SIX4: variants seen among roughly 807,000 people sequenced by gnomAD.
The protein encoded by SIX4 is SIX homeobox 4, also known as homeobox protein SIX4.
In SIX4, 23 loss-of-function variants were observed where a neutral mutation model predicts 51.5. That is an observed-to-expected ratio of 0.45 (90% CI 0.32 to 0.63). The LOEUF (loss-of-function observed/expected upper bound fraction) is 0.63. Among genes scored for constraint, SIX4 ranks in the 30% least tolerant of loss-of-function variants. The pLI, the probability that SIX4 is intolerant of heterozygous loss-of-function variation, is 0.04. For synonymous variants in SIX4, 413 were observed against 417.3 expected (o/e 0.99, Z 0.13); for missense variants, 867 against 984.0 (o/e 0.88, Z 1.59).
intron 2 of SIX4, chr14:60,718,017 AATAAT>A: frequency 4.8e-6 from 1 of 206,556 alleles, no homozygotes; most frequent in Admixed American, 5.8e-5. Flanking sequence ...GCCTAAAAAT[AATAAT>A]AATAATAATA....
Position 60,719,944 on chromosome 14 carries a change from T to C in SIX4, c.1365A>G (p.Arg455=), listed in dbSNP as rs1441462120. The change falls in exon 2 of 3, where the codon AGA becomes AGG. Residue 455 remains arginine, a synonymous_variant. Coordinates refer to ENST00000216513, the MANE Select transcript of SIX4 (RefSeq NM_017420.5). The surrounding 1 kb of genome is among the most constrained non-coding windows in gnomAD (Gnocchi z 4.9). ...PGLIPSTEVK[R]EGIQTVASQD... ...GGGAAGCCACTGTTTGAATGCCTTC[T>C]CTTTTCACCTCAGTGCTGGGTATCA... 6.8e-6 allele frequency: 11 copies of C among 1,614,204 alleles called. No homozygotes were observed. Among genetic ancestry groups the C allele is most frequent in the Non-Finnish European group, 8.5e-6 (10 of 1,180,032 alleles).
rs61741142 is a variant in SIX4 at position 60,713,475 on chromosome 14, C to T, written c.2278G>A (p.Glu760Lys). The T allele has an allele frequency of 3.1e-4, 500 of 1,614,048 alleles. 1 individual carries two copies. In the African/African-American group the frequency reaches 6.1e-3, roughly 20 times the overall value. Residue 760 changes from glutamate (E) to lysine (K), a missense_variant, in exon 3 of 3, where the codon GAA becomes AAA. By Grantham distance (56) the Glu-to-Lys change is moderately conservative. Transcript: ENST00000216513. ...GMVDTVCEDLETDKKELAKLQ... is the reference protein window; with the variant it reads ...GMVDTVCEDLKTDKKELAKLQ... ...TTGGCAAGCTCTTTTTTGTCTGTTT[C>T]CAGGTCTTCACAGACAGTATCAACC... is the stretch of plus-strand genomic sequence containing the variant.
At position 60,724,232 on chromosome 14, in the gene SIX4, GT is replaced by G. The variant is rs965953664; in HGVS notation, c.-159del. 1.3e-6 allele frequency: 2 copies of G among 1,542,540 alleles called. No individual in the cohort carries two copies. Among genetic ancestry groups the G allele is most frequent in the East Asian group, 2.4e-5 (1 of 41,476 alleles). On this transcript the variant is annotated 5_prime_UTR_variant, in exon 1 of 3. It introduces an in-frame stop codon into an upstream open reading frame of the 5' UTR. Coordinates refer to ENST00000216513, the MANE Select transcript of SIX4 (RefSeq NM_017420.5). ...GTTTCGGCTGTATCTGGCCGATCAG[GT>G]TTCCCCCCGGCCACGCAGTCACCAT...
rs748153980 is a variant in SIX4, at chr14:60,720,010, G to C, written c.1299C>G (p.Thr433=). The C allele has an allele frequency of 1.9e-6, 3 of 1,614,224 alleles. No individual in the cohort carries two copies. The South Asian group carries it at 3.3e-5, about 18-fold the overall frequency. The change falls in exon 2 of 3, where the codon ACC becomes ACG. Residue 433 remains threonine (T), a synonymous_variant. Coordinates refer to ENST00000216513, the MANE Select transcript of SIX4 (RefSeq NM_017420.5). The surrounding 1 kb of genome is among the most constrained non-coding windows in gnomAD (Gnocchi z 5.5). ...CAGGGACACTGGGGCTGTAGGACGT[G>C]GTGGTTGCTGAGTTAGCAGAACTCT... ...VLQSSANSAT[T]TSYSPSVPVS...
At position 60,710,898 on chromosome 14, in the gene SIX4, G is replaced by A. The variant is rs1297352810; in HGVS notation, c.*2509C>T. Reference sequence around the variant, plus strand: ...GTGGGAATATGAATGGGTTTCCTAGGTAAGTCTTAAGTTTTGTGCTATCTT... The same window carrying A: ...GTGGGAATATGAATGGGTTTCCTAGATAAGTCTTAAGTTTTGTGCTATCTT... On this transcript the variant is annotated 3_prime_UTR_variant, in exon 3 of 3. Coordinates refer to ENST00000216513, the MANE Select transcript of SIX4 (RefSeq NM_017420.5). 6.6e-6 allele frequency: 1 copy of A among 152,440 alleles called. No homozygotes were observed. The highest frequency in any genetic ancestry group is 1.5e-5 in the Non-Finnish European group (1 of 68,002). 9.4% of individuals were successfully genotyped at this position (152,440 alleles called of 1,614,324 possible). A position where few individuals can be genotyped will look rare whatever the true frequency, so the allele number is the denominator to read the frequency against.
chr14:60,720,999 C>T lies in SIX4; in HGVS notation c.864-554G>A. On this transcript the variant is annotated intron_variant, in intron 1 of 2. Coordinates refer to ENST00000216513, the MANE Select transcript of SIX4 (RefSeq NM_017420.5). The surrounding 1 kb of genome is among the most constrained non-coding windows in gnomAD (Gnocchi z 5.5). ...TCTCACCTGCTCCCAAACTTCTACT[C>T]CACCAGACTGACAACTCTCTCATTC... 7.1e-6 allele frequency: 7 copies of T among 986,182 alleles called. No individual in the cohort carries two copies. Among genetic ancestry groups the T allele is most frequent in the Non-Finnish European group, 8.4e-6 (7 of 830,542 alleles). The allele number at this position is 986,182 out of a possible 1,614,324, so 61.1% of individuals were successfully genotyped here.
At chr14:60,714,235 T>A (rs764879216) in intron 2 of SIX4, 32 bp from the exon 3 acceptor site, 1 of 1,519,284 alleles carries the variant, frequency 6.6e-7, no homozygotes, top group Non-Finnish European at 8.7e-7. Flanking sequence ...TTATCACTGA[T>A]GGAAGTGAGA....
chr14:60,714,056 G>C lies in SIX4; in HGVS notation c.1697C>G (p.Ser566Cys), dbSNP rs1895872930. Residue 566 changes from serine to cysteine, a missense_variant, in exon 3 of 3, where the codon TCT becomes TGT. Ser to Cys is a moderately radical substitution (Grantham distance 112, BLOSUM62 -1). Transcript: ENST00000216513. Reference sequence around the variant, plus strand: ...CCTTTCCAAGCCTTCCTGTTTCACAGATCCTATAGTCTGGCCTGTATTAGG... The same window carrying C: ...CCTTTCCAAGCCTTCCTGTTTCACACATCCTATAGTCTGGCCTGTATTAGG... ...TVPNTGQTIG[S>C]VKQEGLERSL... 1 of 1,614,152 alleles carries C rather than the reference G, an allele frequency of 6.2e-7. No homozygotes were observed. The highest frequency in any genetic ancestry group is 8.5e-7 in the Non-Finnish European group (1 of 1,180,034).
rs1369164982 is a variant in SIX4 at position 60,710,512 on chromosome 14, G to A, written c.*2895C>T. The A allele has an allele frequency of 6.6e-6, 1 of 152,584 alleles. No individual in the cohort carries two copies. The highest frequency in any genetic ancestry group is 1.5e-5 in the Non-Finnish European group (1 of 68,044). 9.5% of individuals were successfully genotyped at this position (152,584 alleles called of 1,614,324 possible). On this transcript the variant is annotated 3_prime_UTR_variant, in exon 3 of 3. Coordinates refer to ENST00000216513, the MANE Select transcript of SIX4 (RefSeq NM_017420.5). Reference sequence around the variant, plus strand: ...ATAGGCTTACACCAAAAATCCCACAGCCAGCAGCATGGGTTGGGTTTTGCA... The same window carrying A: ...ATAGGCTTACACCAAAAATCCCACAACCAGCAGCATGGGTTGGGTTTTGCA...
chr14:60,723,969 C>T lies in SIX4; in HGVS notation c.106G>A (p.Ala36Thr). 1 of 1,511,926 alleles carries T rather than the reference C, an allele frequency of 6.6e-7. No homozygotes were observed. Among genetic ancestry groups the T allele is most frequent in the South Asian group, 1.3e-5 (1 of 74,252 alleles). 93.7% of individuals were successfully genotyped at this position (1,511,926 alleles called of 1,614,324 possible). ...CTCAGCCCTACCGCCGCGCCCCCCG[C>T]CACTTCTCGGTGCGCCTCCTGCCCT... ...SEGQEAHREV[A>T]GGAAVGLSPP... is the part of the protein sequence containing the mutation. Residue 36 changes from alanine to threonine, a missense_variant, in exon 1 of 3, where the codon GCG (alanine) becomes ACG (threonine). Coordinates refer to ENST00000216513, the MANE Select transcript of SIX4 (RefSeq NM_017420.5).
In SIX4 at chr14:60,719,734, A is replaced by G; in HGVS notation, c.1549+26T>C. The G allele has an allele frequency of 3.1e-6, 5 of 1,604,600 alleles. No individual in the cohort carries two copies. Among genetic ancestry groups the G allele is most frequent in the Non-Finnish European group, 4.3e-6 (5 of 1,174,030 alleles). On this transcript the variant is annotated intron_variant, in intron 2 of 2. Transcript: ENST00000216513. The surrounding 1 kb of genome is among the most constrained non-coding windows in gnomAD (Gnocchi z 4.9). Reference sequence around the variant, plus strand: ...AGCTGATGAACACATTTGCTGGTGCATTAAGGTACCAAATGAGATTGTTAC... The same window carrying G: ...AGCTGATGAACACATTTGCTGGTGCGTTAAGGTACCAAATGAGATTGTTAC...
chr14:60,724,136 C>G lies in SIX4; in HGVS notation c.-62G>C. ...CGCACTCTTTTCCTCTTTCTTTCCTCCTCTCTTACTCCTCCTCCTTCGTCT... is the reference window on the plus strand; with the variant it reads ...CGCACTCTTTTCCTCTTTCTTTCCTGCTCTCTTACTCCTCCTCCTTCGTCT... On this transcript the variant is annotated 5_prime_UTR_variant, in exon 1 of 3. Transcript: ENST00000216513. 1 of 1,604,644 alleles carries G rather than the reference C, an allele frequency of 6.2e-7. No homozygotes were observed. Among genetic ancestry groups the G allele is most frequent in the Non-Finnish European group, 8.5e-7 (1 of 1,175,956 alleles).
In SIX4 at chr14:60,719,545, A is replaced by G. The variant is rs17834412; in HGVS notation, c.1549+215T>C. On this transcript the variant is annotated intron_variant, in intron 2 of 2. Transcript: ENST00000216513. This position sits in a 1 kb window ranked among gnomAD's most constrained non-coding sequence, Gnocchi z 4.9. ...TTTTCCATTCAGTTGTTAGTAAAATAAAAGCCCATCCTCATGATGCAAGGG... is the reference window on the plus strand; with the variant it reads ...TTTTCCATTCAGTTGTTAGTAAAATGAAAGCCCATCCTCATGATGCAAGGG... 0.5 allele frequency among the ~76,000 whole-genome samples: 76,216 copies of G among 152,110 alleles called. 23,860 individuals carry two copies. Among genetic ancestry groups the G allele is most frequent in the Non-Finnish European group, 0.66 (45,036 of 67,968 alleles).
chr14:60,714,143 G>A lies in SIX4; in HGVS notation c.1610C>T (p.Thr537Ile), dbSNP rs1169735350. ...CAAGAAAACCTTTCCTTGCTGGACT[G>A]TGGTAGACTCACTTGTAAATGTGCT... ...DGSTFTSEST[T>I]VQQGKVFLSS... The change falls in exon 3 of 3, where the codon ACA becomes ATA. Residue 537 changes from threonine to isoleucine, a missense_variant. Physicochemically the swap from Thr to Ile is moderately conservative, Grantham distance 89. Transcript: ENST00000216513. 1.9e-6 allele frequency: 3 copies of A among 1,611,730 alleles called. No homozygotes were observed. The highest frequency in any genetic ancestry group is 2.7e-5 in the African/African-American group (2 of 74,838).
In SIX4 at chr14:60,713,098, AG is replaced by A. The variant is rs1895852166; in HGVS notation, c.*308del. The A allele has an allele frequency of 4.3e-6, 1 of 230,526 alleles. No individual in the cohort carries two copies. Among genetic ancestry groups the A allele is most frequent in the Non-Finnish European group, 8.3e-6 (1 of 119,876 alleles). The allele number at this position is 230,526 out of a possible 1,614,324, so 14.3% of individuals were successfully genotyped here. A position where few individuals can be genotyped will look rare whatever the true frequency, so the allele number is the denominator to read the frequency against. Reference sequence around the variant, plus strand: ...CATTTTTTAATTTAAAAAACTATCAAGTTCCATTTTGACCTTAGAATTATAG... The same window carrying A: ...CATTTTTTAATTTAAAAAACTATCAATTCCATTTTGACCTTAGAATTATAG... On this transcript the variant is annotated 3_prime_UTR_variant, in exon 3 of 3. Transcript: ENST00000216513.
At chr14:60,718,817 T>A (rs1445026235) in intron 2 of SIX4, among the ~76,000 whole-genome samples, 3 of 152,154 alleles carry the variant, frequency 2.0e-5, no homozygotes, top group Admixed American at 2.0e-4. Flanking sequence ...TAAATTGATT[T>A]TTTTGGGGGG....
At chr14:60,718,883 G>A (rs978479608) in intron 2 of SIX4, among the ~76,000 whole-genome samples, 8 of 152,040 alleles carry the variant, frequency 5.3e-5, no homozygotes, top group Admixed American at 1.3e-4. Flanking sequence ...TACTACTTTG[G>A]TTTTGTAAAA....
chr14:60,724,313 C>G lies in SIX4; in HGVS notation c.-239G>C, dbSNP rs938826479. 4.0e-6 allele frequency: 6 copies of G among 1,506,818 alleles called. No individual in the cohort carries two copies. Among genetic ancestry groups the G allele is most frequent in the Non-Finnish European group, 5.3e-6 (6 of 1,128,356 alleles). The allele number at this position is 1,506,818 out of a possible 1,614,324, so 93.3% of individuals were successfully genotyped here. A position where few individuals can be genotyped will look rare whatever the true frequency, so the allele number is the denominator to read the frequency against. ...AACGGATAGCTGCTTTCTGCCGTTC[C>G]CCCAACGTGACTCCTCCGGTTGCTG... On this transcript the variant is annotated 5_prime_UTR_variant, in exon 1 of 3. Coordinates refer to ENST00000216513, the MANE Select transcript of SIX4 (RefSeq NM_017420.5).
In SIX4 at chr14:60,722,461, C is replaced by G. The variant is rs1027003652; in HGVS notation, c.863+751G>C. Among the ~76,000 whole-genome samples, 8 of 152,122 alleles carry G rather than the reference C, an allele frequency of 5.3e-5. No individual in the cohort carries two copies. Among genetic ancestry groups the G allele is most frequent in the African/African-American group, 1.9e-4 (8 of 41,438 alleles). On this transcript the variant is annotated intron_variant, in intron 1 of 2. Coordinates refer to ENST00000216513, the MANE Select transcript of SIX4 (RefSeq NM_017420.5). This position sits in a 1 kb window ranked among gnomAD's most constrained non-coding sequence, Gnocchi z 5.9. Reference sequence around the variant, plus strand: ...GCCGAGGGAGGAAGCAGCCCTTCAGCCCTGCTACCCCGGCTGCGCTGAAAC... The same window carrying G: ...GCCGAGGGAGGAAGCAGCCCTTCAGGCCTGCTACCCCGGCTGCGCTGAAAC...
Sources: gnomAD v4.1 joint callset for allele counts (sites outside exome capture counted in the v4.1 genomes callset) on GRCh38, gnomAD v4.1.1 for gene constraint, Gnocchi (gnomAD v3.1) non-coding constraint, MANE v1.5 for transcripts, NCBI Gene and HGNC (gene_info 2026-07-23, HGNC 2026-07-21) for gene names.